Variants in SAMD5 observed in about 807,000 individuals in gnomAD.
SAMD5 encodes the protein sterile alpha motif domain containing 5.
A neutral mutation model predicts 11.3 loss-of-function variants in SAMD5; 13 were observed. The observed-to-expected ratio is 1.15, with a 90% CI of 0.75 to 1.83. The LOEUF (loss-of-function observed/expected upper bound fraction) is 1.83, where lower values mean the gene tolerates loss of function less well. SAMD5 is among the 40% of genes most tolerant of loss of function. The pLI is 0.00. For synonymous variants in SAMD5, 129 were observed against 111.3 expected, an observed-to-expected ratio of 1.16 and a Z score of -1.00; for missense variants, 255 against 239.1, an observed-to-expected ratio of 1.07 and a Z score of -0.44.
chr6:147,827,595 A>G, the SAMD5 span, among the ~76,000 whole-genome samples: 3 of 152,150 alleles, frequency 2.0e-5, no homozygotes, highest in Non-Finnish European at 2.9e-5. Context: ...TGTTCTGTGA[A>G]TGCATCTGTC....
intron 1 of SAMD5, among the ~76,000 whole-genome samples, chr6:147,513,044 C>T (rs1468679231): frequency 1.3e-5 from 2 of 150,626 alleles, no homozygotes; most frequent in Non-Finnish European, 3.0e-5. Flanking sequence ...CAGCAGAGAA[C>T]AGTGTGTGCA....
At chr6:147,581,529 C>A (rs1044873774) in intron 1 of SAMD5, among the ~76,000 whole-genome samples, 1 of 152,078 alleles carries the variant, frequency 6.6e-6, no homozygotes, top group Non-Finnish European at 1.5e-5. Flanking sequence ...CAGGAAGGAG[C>A]TTTGAACCAA....
intron 1 of SAMD5, among the ~76,000 whole-genome samples, chr6:147,514,604 G>T (rs1788136804): frequency 6.6e-6 from 1 of 151,984 alleles, no homozygotes; most frequent in Non-Finnish European, 1.5e-5. Context: ...ATAGGGTTGT[G>T]GCAGATGTGA....
intron 1 of SAMD5, among the ~76,000 whole-genome samples, chr6:147,527,569 C>G (rs1469499951): frequency 6.6e-6 from 1 of 151,988 alleles, no homozygotes; most frequent in African/African-American, 2.4e-5. Flanking sequence ...CAAACCATAT[C>G]ATTTGGCCCC....
the SAMD5 span, among the ~76,000 whole-genome samples, chr6:147,795,663 C>G: frequency 7.7e-3 from 1,165 of 150,716 alleles, 14 homozygotes; most frequent in Middle Eastern, 0.041. Flanking sequence ...AATGGTTGAA[C>G]TAGTTTACAG....
chr6:147,852,479 T>C, the SAMD5 span, among the ~76,000 whole-genome samples: 56 of 152,284 alleles, frequency 3.7e-4, no homozygotes, highest in East Asian at 6.6e-3. Context: ...TTCAGTAAAC[T>C]CTTGGTACCC....
rs879281015 is a variant in SAMD5, at chr6:147,540,776, A to AG, written c.460-23609dup. On this transcript the variant is annotated intron_variant, in intron 1 of 1. Transcript: ENST00000367474. ...TTACTGTTTACCCAGACAGAGAGAG[A>AG]GGGGGGGGGTCCAGAAACTTGGCTG... is the stretch of plus-strand genomic sequence containing the variant. Among the ~76,000 whole-genome samples the AG allele has an allele frequency of 6.8e-3, 965 of 141,336 alleles. 3 individuals carry two copies. Among genetic ancestry groups the AG allele is most frequent in the Non-Finnish European group, 8.6e-3 (554 of 64,270 alleles). 92.7% of individuals were successfully genotyped at this position (141,336 alleles called of 152,430 possible).
the SAMD5 span, among the ~76,000 whole-genome samples, chr6:147,769,462 C>G: frequency 6.6e-6 from 1 of 152,166 alleles, no homozygotes; most frequent in African/African-American, 2.4e-5. Context: ...CCCAAACACA[C>G]ACATCAAACA....
At chr6:147,554,125 A>C (rs1788814850) in intron 1 of SAMD5, among the ~76,000 whole-genome samples, 1 of 152,202 alleles carries the variant, frequency 6.6e-6, no homozygotes, top group Admixed American at 6.5e-5. Flanking sequence ...ACATGGTGGC[A>C]GGAAGGAGAA....
Position 147,601,056 on chromosome 6 carries a change from A to G in SAMD5, c.162+91669A>G, listed in dbSNP as rs190485046. On this transcript the variant is annotated intron_variant, in intron 1 of 1. Coordinates refer to the SAMD5 transcript ENST00000566741. Reference sequence around the variant, plus strand: ...ATTTTATTTGGGTGACAAACATAACATGAAAGGCTGACAGATTTATTAGCT... The same window carrying G: ...ATTTTATTTGGGTGACAAACATAACGTGAAAGGCTGACAGATTTATTAGCT... Among the ~76,000 whole-genome samples, 199 of 152,324 alleles carry G rather than the reference A, an allele frequency of 1.3e-3. 2 individuals are homozygous for G. Among genetic ancestry groups the G allele is most frequent in the Non-Finnish European group, 1.8e-4 (12 of 68,022 alleles).
At chr6:147,823,445 C>G in the SAMD5 span, among the ~76,000 whole-genome samples, 16 of 152,100 alleles carry the variant, frequency 1.1e-4, no homozygotes, top group African/African-American at 3.6e-4. Flanking sequence ...ATAAAAAAAC[C>G]CACAAAATCT....
At chr6:147,757,312 G>A in the SAMD5 span, among the ~76,000 whole-genome samples, 1 of 152,086 alleles carries the variant, frequency 6.6e-6, no homozygotes, top group African/African-American at 2.4e-5. Flanking sequence ...TGCTGCCAAT[G>A]GCTGCAAGGG....
chr6:147,706,882 G>A (rs889204403), intron 1 of SAMD5, among the ~76,000 whole-genome samples: 3 of 152,164 alleles, frequency 2.0e-5, no homozygotes, highest in Admixed American at 6.5e-5. Flanking sequence ...CCCATAAATC[G>A]TCTGCATAAA....
chr6:147,945,554 G>T, the SAMD5 span, among the ~76,000 whole-genome samples: 1 of 152,148 alleles, frequency 6.6e-6, no homozygotes, highest in Non-Finnish European at 1.5e-5. Context: ...TGATGTCAGG[G>T]ATATAGTAGA....
intron 1 of SAMD5, among the ~76,000 whole-genome samples, chr6:147,692,169 T>A (rs776678270): frequency 1.2e-4 from 19 of 152,198 alleles, no homozygotes; most frequent in Non-Finnish European, 2.1e-4. Flanking sequence ...ATCTCATATG[T>A]TTCTTCATTG....
At chr6:147,631,850 A>G (rs1790156914) in intron 1 of SAMD5, among the ~76,000 whole-genome samples, 1 of 152,192 alleles carries the variant, frequency 6.6e-6, no homozygotes, top group African/African-American at 2.4e-5. Flanking sequence ...TGGAACACTG[A>G]GAAGTGATTT....
chr6:147,515,176 GTTTTTTTTTTTTTTTTT>G (rs71031029), intron 1 of SAMD5, among the ~76,000 whole-genome samples: 2 of 75,036 alleles, frequency 2.7e-5, no homozygotes, highest in Middle Eastern at 0.011. Flanking sequence ...ATCCTTCCAG[GTTTTTTTTTTTTTTTTT>G]TTTTTTTTTT....
At chr6:147,924,762 G>T in the SAMD5 span, among the ~76,000 whole-genome samples, 1 of 148,572 alleles carries the variant, frequency 6.7e-6, no homozygotes, top group Non-Finnish European at 1.5e-5. Flanking sequence ...GTGAGGATAG[G>T]TGTTTTAATT....
chr6:147,598,547 C>A (rs1482676119), intron 1 of SAMD5, among the ~76,000 whole-genome samples: 1 of 152,030 alleles, frequency 6.6e-6, no homozygotes, highest in African/African-American at 2.4e-5. Flanking sequence ...ATTCATCTAC[C>A]CTGTGTCTAC....
Sources: gnomAD v4.1 joint callset for allele counts (sites outside exome capture counted in the v4.1 genomes callset) on GRCh38, gnomAD v4.1.1 for gene constraint, MANE v1.5 for transcripts, NCBI Gene and HGNC (gene_info 2026-07-23, HGNC 2026-07-21) for gene names.